Variants in RIT2 observed in about 807,000 individuals in gnomAD.
RIT2 encodes GTP-binding protein Rit2.
In RIT2, 24 loss-of-function variants were observed where a neutral mutation model predicts 23.7. That is an observed-to-expected ratio of 1.01 (90% confidence interval 0.73 to 1.43). The LOEUF is 1.43. RIT2 is among the 40% of genes most tolerant of loss of function. The pLI is 0.00. For missense variants in RIT2, 236 were observed against 266.9 expected (o/e 0.88, Z 0.81); for synonymous variants, 107 against 91.1 (o/e 1.17, Z -0.99).
chr18:42,774,816 T>C (rs1463393585), intron 4 of RIT2, among the ~76,000 whole-genome samples: 2 of 152,176 alleles, frequency 1.3e-5, no homozygotes, highest in African/African-American at 4.8e-5. Context: ...TACTAGATTC[T>C]GAAATTCCAT....
Position 42,923,681 on chromosome 18 carries a change from GA to G in RIT2, c.316del (p.Ser106HisfsTer44), listed in dbSNP as rs1405061084. On this transcript the variant is annotated frameshift_variant, in exon 4 of 5. Coordinates refer to ENST00000326695, the MANE Select transcript of RIT2 (RefSeq NM_002930.4). LOFTEE classifies it high-confidence loss of function. ...TTTAAACTTGGCAGCCTCCTGAAAT[GA>G]TTGACGGTCAGTGACGGAGTAGCAG... is the stretch of plus-strand genomic sequence containing the variant. ...IICYSVTDRQ[S>X]FQEAAKFKEL... is the part of the protein sequence containing the mutation. The G allele has an allele frequency of 6.2e-7, 1 of 1,612,994 alleles. No individual in the cohort carries two copies. Among genetic ancestry groups the G allele is most frequent in the Admixed American group, 1.7e-5 (1 of 59,888 alleles).
chr18:42,925,200 G>GA (rs1464560916), intron 3 of RIT2, among the ~76,000 whole-genome samples: 1 of 151,896 alleles, frequency 6.6e-6, no homozygotes, highest in Non-Finnish European at 1.5e-5. Context: ...TAATATGGGA[G>GA]AAAAAATATT....
intron 1 of RIT2, among the ~76,000 whole-genome samples, chr18:43,096,799 A>G (rs1913565165): frequency 6.6e-6 from 1 of 151,904 alleles, no homozygotes; most frequent in Non-Finnish European, 1.5e-5. Context: ...AAAGTTATAT[A>G]AAACTAAAAT....
At chr18:43,076,964 G>T (rs1037225825) in intron 1 of RIT2, among the ~76,000 whole-genome samples, 10 of 150,356 alleles carry the variant, frequency 6.7e-5, no homozygotes, top group African/African-American at 2.2e-4. Context: ...TTAGCCGGCC[G>T]TAGTGGCGGG....
chr18:42,960,595 G>A (rs183028916), intron 3 of RIT2, among the ~76,000 whole-genome samples: 4 of 152,192 alleles, frequency 2.6e-5, no homozygotes, highest in East Asian at 3.9e-4. Flanking sequence ...GATTACAGGC[G>A]TGAGCCACTG....
chr18:43,033,863 C>A lies in RIT2; in HGVS notation c.108G>T (p.Met36Ile). 1 of 1,604,080 alleles carries A rather than the reference C, an allele frequency of 6.2e-7. No homozygotes were observed. Among genetic ancestry groups the A allele is most frequent in the South Asian group, 1.1e-5 (1 of 90,496 alleles). ...LGAGGVGKSA[M>I]TMQFISHQFP... ...ACTGATGACTAATAAACTGCATTGT[C>A]ATTGCTGAAAGAAAAAAAACACATT... is the stretch of plus-strand genomic sequence containing the variant. Residue 36 changes from methionine to isoleucine, a missense_variant, in exon 2 of 5, where the codon ATG becomes ATT. Transcript: ENST00000326695.
At chr18:43,068,121 A>G (rs1912812278) in intron 1 of RIT2, among the ~76,000 whole-genome samples, 1 of 152,196 alleles carries the variant, frequency 6.6e-6, no homozygotes, top group Non-Finnish European at 1.5e-5. Context: ...TACTTGACCA[A>G]TGTGATGAGG....
chr18:42,846,324 G>A (rs1906908115), intron 4 of RIT2, among the ~76,000 whole-genome samples: 1 of 151,672 alleles, frequency 6.6e-6, no homozygotes, highest in Non-Finnish European at 1.5e-5. Flanking sequence ...AAAAAAATCA[G>A]AATAATTTTA....
At chr18:43,106,156 G>A (rs1568084059) in intron 1 of RIT2, among the ~76,000 whole-genome samples, 1 of 152,114 alleles carries the variant, frequency 6.6e-6, no homozygotes, top group East Asian at 1.9e-4. Flanking sequence ...TTTTGAACAG[G>A]GTCAGGTATA....
chr18:42,993,370 C>T (rs897534554), intron 2 of RIT2, among the ~76,000 whole-genome samples: 8 of 152,138 alleles, frequency 5.3e-5, no homozygotes, highest in African/African-American at 1.2e-4. Flanking sequence ...CCGATTGCCT[C>T]GGAAGCCCCC....
At chr18:42,790,805 T>G (rs1283447125) in intron 4 of RIT2, among the ~76,000 whole-genome samples, 1 of 152,258 alleles carries the variant, frequency 6.6e-6, no homozygotes, top group Admixed American at 6.5e-5. Flanking sequence ...AAGAAAAGTT[T>G]AATGATGTGT....
intron 4 of RIT2, among the ~76,000 whole-genome samples, chr18:42,904,351 G>A (rs182761637): frequency 3.3e-5 from 5 of 152,188 alleles, no homozygotes; most frequent in Admixed American, 6.6e-5. Context: ...GACAGATGCC[G>A]GCCATGACAC....
chr18:42,936,401 TAA>T (rs373210844), intron 3 of RIT2, among the ~76,000 whole-genome samples: 1 of 152,206 alleles, frequency 6.6e-6, no homozygotes, highest in South Asian at 2.1e-4. Flanking sequence ...TGGACAATGT[TAA>T]GTTTCCTTTT....
At chr18:43,053,023 A>G (rs772228155) in intron 1 of RIT2, among the ~76,000 whole-genome samples, 5 of 152,000 alleles carry the variant, frequency 3.3e-5, no homozygotes, top group Non-Finnish European at 7.4e-5. Flanking sequence ...CTCAACTTTT[A>G]ACAGGAAACA....
chr18:42,814,123 G>A (rs758269131), intron 4 of RIT2, among the ~76,000 whole-genome samples: 7 of 152,164 alleles, frequency 4.6e-5, no homozygotes, highest in South Asian at 2.1e-4. Context: ...GGGGTCCTTC[G>A]GGAGGGCAGC....
intron 1 of RIT2, among the ~76,000 whole-genome samples, chr18:43,086,562 T>G (rs1296387292): frequency 6.6e-6 from 1 of 152,146 alleles, no homozygotes; most frequent in Non-Finnish European, 1.5e-5. Flanking sequence ...AGGCTGTGTA[T>G]GCCCCACTGC....
chr18:42,830,216 C>A (rs765849894), intron 4 of RIT2, among the ~76,000 whole-genome samples: 2 of 152,182 alleles, frequency 1.3e-5, no homozygotes, highest in African/African-American at 4.8e-5. Flanking sequence ...AAGCCACTAT[C>A]TGAAGTGGTA....
In RIT2 at chr18:42,888,197, G is replaced by A. The variant is rs114028477; in HGVS notation, c.426+35375C>T. On this transcript the variant is annotated intron_variant, in intron 4 of 4. Coordinates refer to ENST00000326695, the MANE Select transcript of RIT2 (RefSeq NM_002930.4). Reference sequence around the variant, plus strand: ...TTAATGTAGGTTTATAGTTTGTAACGAATATACCACTGTGGCGGGGGATTT... The same window carrying A: ...TTAATGTAGGTTTATAGTTTGTAACAAATATACCACTGTGGCGGGGGATTT... Among the ~76,000 whole-genome samples, 4 of 151,802 alleles carry A rather than the reference G, an allele frequency of 2.6e-5. No individual in the cohort carries two copies. In the East Asian group the frequency reaches 5.8e-4, roughly 22 times the overall value.
chr18:43,043,572 C>A (rs1165714414), intron 1 of RIT2, among the ~76,000 whole-genome samples: 1 of 152,100 alleles, frequency 6.6e-6, no homozygotes, highest in African/African-American at 2.4e-5. Flanking sequence ...GGGCCGATTA[C>A]CTGAGGTCAG....
Sources: allele counts gnomAD v4.1 joint callset (sites outside exome capture counted in the v4.1 genomes callset), GRCh38; gene constraint gnomAD v4.1.1; transcripts MANE v1.5; gene names NCBI Gene and HGNC (gene_info 2026-07-23, HGNC 2026-07-21).